The following NALF1 variants were observed in gnomAD, a reference collection of about 807,000 sequenced individuals.
NALF1 encodes family with sequence similarity 155 member A.
In NALF1, 3 loss-of-function variants were observed where a neutral mutation model predicts 48.4. The observed-to-expected ratio is 0.06, with a 90% CI of 0.03 to 0.16. NALF1 has a LOEUF of 0.16. NALF1 is among the 10% of genes least tolerant of loss of function. The probability of loss-of-function intolerance (pLI) is 1.00; values close to 1 mark genes in which losing one functional copy is unlikely to be tolerated. For missense variants in NALF1, 526 were observed against 571.5 expected (o/e 0.92, Z 0.81); for synonymous variants, 262 against 245.7 (o/e 1.07, Z -0.62).
chr13:107,378,818 A>C (rs1294563796), intron 1 of NALF1, among the ~76,000 whole-genome samples: 1 of 152,186 alleles, frequency 6.6e-6, no homozygotes, highest in Non-Finnish European at 1.5e-5. Context: ...ATTTTTTTCC[A>C]AATTTTAAAA....
chr13:107,481,096 G>C (rs548786170), intron 1 of NALF1, among the ~76,000 whole-genome samples: 2 of 152,078 alleles, frequency 1.3e-5, no homozygotes, highest in Non-Finnish European at 2.9e-5. Context: ...AGGCAGCCCT[G>C]GCTTTTTGAG....
intron 1 of NALF1, among the ~76,000 whole-genome samples, chr13:107,725,165 T>C (rs902949732): frequency 6.6e-6 from 1 of 152,242 alleles, no homozygotes; most frequent in African/African-American, 2.4e-5. Context: ...TTGTATAAAA[T>C]ACAGCTCAAT....
At position 107,866,310 on chromosome 13, in the gene NALF1, C is replaced by CGCT. The variant is rs752579719; in HGVS notation, c.284_286dup (p.Gln95dup). The CGCT allele has an allele frequency of 9.6e-5, 154 of 1,602,864 alleles. 1 individual carries two copies. Among genetic ancestry groups the CGCT allele is most frequent in the East Asian group, 7.8e-4 (35 of 44,642 alleles). On this transcript the variant is annotated inframe_insertion, in exon 1 of 3. Transcript: ENST00000375915. The surrounding 1 kb of genome is among the most constrained non-coding windows in gnomAD (Gnocchi z 4.4). ...GGGCCAGGAGGGCTCCTGCTGCCGC[C>CGCT]GCTGCTGCTGCTGCTGCTGCCGCTG...
chr13:107,201,076 T>C lies in NALF1; in HGVS notation c.1087+9508A>G, dbSNP rs187808587. On this transcript the variant is annotated intron_variant, in intron 2 of 2. Transcript: ENST00000375915. ...ACTGAGAACTATTTTGGCTTTTGTC[T>C]CCAGTTCTCAAAAACTGGCCTTTCC... Among the ~76,000 whole-genome samples, 39 of 152,306 alleles carry C rather than the reference T, an allele frequency of 2.6e-4. No individual in the cohort carries two copies. The East Asian group carries it at 7.1e-3, about 28-fold the overall frequency.
intron 1 of NALF1, among the ~76,000 whole-genome samples, chr13:107,671,812 C>T (rs1360792967): frequency 6.6e-6 from 1 of 152,046 alleles, no homozygotes; most frequent in African/African-American, 2.4e-5. Flanking sequence ...TAGGTTGATG[C>T]AACATTTCTT....
At chr13:107,320,608 T>C (rs1290490524) in intron 1 of NALF1, among the ~76,000 whole-genome samples, 1 of 152,112 alleles carries the variant, frequency 6.6e-6, no homozygotes, top group Non-Finnish European at 1.5e-5. Flanking sequence ...CCTCCATTAT[T>C]ACTATTGAAC....
At chr13:107,350,884 G>A (rs1882860755) in intron 1 of NALF1, among the ~76,000 whole-genome samples, 1 of 152,162 alleles carries the variant, frequency 6.6e-6, no homozygotes, top group Admixed American at 6.5e-5. Context: ...AGTGACATCA[G>A]GTGACACTGA....
chr13:107,629,854 T>G (rs1399661795), intron 1 of NALF1, among the ~76,000 whole-genome samples: 1 of 152,186 alleles, frequency 6.6e-6, no homozygotes, highest in Non-Finnish European at 1.5e-5. Context: ...CCATCTTATT[T>G]TCTTTCTGTT....
At chr13:107,219,988 T>A (rs11839802) in intron 1 of NALF1, among the ~76,000 whole-genome samples, 5,000 of 152,328 alleles carry the variant, frequency 0.033, 126 homozygotes, top group East Asian at 0.084. Context: ...AAAGTTTTAC[T>A]TCTTGGCCAT....
At chr13:107,286,130 GA>G (rs1434056834) in intron 1 of NALF1, among the ~76,000 whole-genome samples, 1 of 152,172 alleles carries the variant, frequency 6.6e-6, no homozygotes, top group African/African-American at 2.4e-5. Flanking sequence ...GAAAGTCATA[GA>G]AAAAGAGAAA....
At chr13:107,292,309 G>A (rs1029487340) in intron 1 of NALF1, among the ~76,000 whole-genome samples, 2 of 152,148 alleles carry the variant, frequency 1.3e-5, no homozygotes, top group African/African-American at 4.8e-5. Flanking sequence ...AGTTGCTCTA[G>A]GTGAGTCAGT....
Position 107,610,336 on chromosome 13 carries a change from T to C in NALF1, c.915+255346A>G, listed in dbSNP as rs114687860. Among the ~76,000 whole-genome samples, 848 of 152,316 alleles carry C rather than the reference T, an allele frequency of 5.6e-3. 6 individuals carry two copies. The highest frequency in any genetic ancestry group is 0.019 in the African/African-American group (810 of 41,550). On this transcript the variant is annotated intron_variant, in intron 1 of 2. Coordinates refer to ENST00000375915, the MANE Select transcript of NALF1 (RefSeq NM_001080396.3). ...CAAGAGTACCCATTACACCAAAATT[T>C]ATTAAAGAAATTCCAAAATATCTAC...
At chr13:107,715,656 C>A (rs1241916974) in intron 1 of NALF1, among the ~76,000 whole-genome samples, 1 of 152,104 alleles carries the variant, frequency 6.6e-6, no homozygotes, top group Non-Finnish European at 1.5e-5. Flanking sequence ...AGGACCTTGA[C>A]AGGTTGCAAT....
chr13:107,718,230 T>C (rs1171853997), intron 1 of NALF1, among the ~76,000 whole-genome samples: 2 of 152,188 alleles, frequency 1.3e-5, no homozygotes, highest in Non-Finnish European at 2.9e-5. Flanking sequence ...TATGACCCTA[T>C]TGCTCTGTCT....
chr13:107,607,800 G>A (rs898439802), intron 1 of NALF1, among the ~76,000 whole-genome samples: 2 of 152,028 alleles, frequency 1.3e-5, no homozygotes, highest in African/African-American at 2.4e-5. Flanking sequence ...GAAAAATACC[G>A]GAAGCCACCA....
intron 1 of NALF1, among the ~76,000 whole-genome samples, chr13:107,637,610 C>T (rs1880013660): frequency 6.6e-6 from 1 of 152,148 alleles, no homozygotes; most frequent in South Asian, 2.1e-4. Context: ...CTGTACCTGA[C>T]TGCCACGTGC....
At chr13:107,359,602 T>TCCTC (rs577637458) in intron 1 of NALF1, among the ~76,000 whole-genome samples, 249 of 151,592 alleles carry the variant, frequency 1.6e-3, no homozygotes, top group African/African-American at 5.7e-3. Flanking sequence ...TTCCTTCATT[T>TCCTC]CCTCCCTCCC....
At chr13:107,538,961 A>G (rs1240143276) in intron 1 of NALF1, among the ~76,000 whole-genome samples, 1 of 152,016 alleles carries the variant, frequency 6.6e-6, no homozygotes, top group East Asian at 1.9e-4. Context: ...CCATCCATCC[A>G]TCCATTCATT....
At chr13:107,418,453 C>T (rs1555299643) in intron 1 of NALF1, among the ~76,000 whole-genome samples, 1 of 152,124 alleles carries the variant, frequency 6.6e-6, no homozygotes, top group Non-Finnish European at 1.5e-5. Flanking sequence ...ATTCCTGACA[C>T]ACAGAAACGA....
Sources: allele counts gnomAD v4.1 joint callset (sites outside exome capture counted in the v4.1 genomes callset), GRCh38; gene constraint gnomAD v4.1.1; non-coding constraint Gnocchi (gnomAD v3.1); transcripts MANE v1.5; gene names NCBI Gene and HGNC (gene_info 2026-07-23, HGNC 2026-07-21).